HIVEP2: variants seen among roughly 807,000 people sequenced by gnomAD.
HIVEP2 encodes the protein HIVEP zinc finger 2.
HIVEP2 carries 14 observed loss-of-function variants against 180.7 expected under a neutral mutation model. The ratio of observed to expected loss-of-function variants is 0.08; its 90% confidence interval spans 0.05 to 0.12. HIVEP2 has a LOEUF of 0.12. Among genes scored for constraint, HIVEP2 ranks in the 10% least tolerant of loss-of-function variants. The probability of loss-of-function intolerance (pLI) is 1.00; values close to 1 mark genes in which losing one functional copy is unlikely to be tolerated. For synonymous variants in HIVEP2, 1,184 were observed against 1,136.4 expected (o/e 1.04, Z -0.84); for missense variants, 2,579 against 3,008.5 (o/e 0.86, Z 3.34).
At chr6:142,933,855 T>C (rs911834476) in intron 1 of HIVEP2, among the ~76,000 whole-genome samples, 2 of 152,240 alleles carry the variant, frequency 1.3e-5, no homozygotes, top group Non-Finnish European at 2.9e-5. Flanking sequence ...GCACCAAGTT[T>C]ATCATGAATA....
intron 1 of HIVEP2, among the ~76,000 whole-genome samples, chr6:142,931,742 C>T (rs906190420): frequency 2.6e-5 from 4 of 152,084 alleles, no homozygotes; most frequent in Admixed American, 1.3e-4. Flanking sequence ...TTTATCTGTT[C>T]GTTTCATTTC....
At chr6:142,818,811 GA>G (rs568996762) in intron 2 of HIVEP2, among the ~76,000 whole-genome samples, 16 of 148,004 alleles carry the variant, frequency 1.1e-4, no homozygotes, top group Admixed American at 1.4e-4. Context: ...AAAAAGAAAA[GA>G]AAAAAAAAGC....
intron 1 of HIVEP2, among the ~76,000 whole-genome samples, chr6:142,871,306 A>G (rs961046534): frequency 6.6e-6 from 1 of 152,068 alleles, no homozygotes; most frequent in African/African-American, 2.4e-5. Flanking sequence ...GGAAGAAAAG[A>G]TGTGCAAATA....
chr6:142,853,996 C>T (rs1173564210), intron 1 of HIVEP2, among the ~76,000 whole-genome samples: 1 of 152,216 alleles, frequency 6.6e-6, no homozygotes, highest in Non-Finnish European at 1.5e-5. Flanking sequence ...TTGCCATTCA[C>T]TCTGTCACTG....
chr6:142,851,396 T>G (rs1341734567), intron 1 of HIVEP2, among the ~76,000 whole-genome samples: 1 of 152,204 alleles, frequency 6.6e-6, no homozygotes, highest in Admixed American at 6.5e-5. Context: ...CAAAGAGGAA[T>G]GTTAAAAGTT....
chr6:142,813,710 G>A lies in HIVEP2; in HGVS notation c.-528+23225C>T, dbSNP rs556922217. Reference sequence around the variant, plus strand: ...CCCACCTCAGCCTCCTGAGTAGCTGGGACTATAGGTACATGCCCCAGAATT... The same window carrying A: ...CCCACCTCAGCCTCCTGAGTAGCTGAGACTATAGGTACATGCCCCAGAATT... On this transcript the variant is annotated intron_variant, in intron 2 of 9. Transcript: ENST00000367603. Among the ~76,000 whole-genome samples the A allele has an allele frequency of 1.4e-4, 21 of 151,632 alleles. No individual in the cohort carries two copies. In the South Asian group the frequency reaches 3.8e-3, roughly 27 times the overall value.
At chr6:142,862,987 A>G (rs1446518077) in intron 1 of HIVEP2, among the ~76,000 whole-genome samples, 22 of 141,532 alleles carry the variant, frequency 1.6e-4, no homozygotes, top group Non-Finnish European at 1.8e-4. Flanking sequence ...AATATATAAT[A>G]TGATATATAA....
chr6:142,925,635 A>T (rs1777788359), intron 1 of HIVEP2, among the ~76,000 whole-genome samples: 1 of 152,260 alleles, frequency 6.6e-6, no homozygotes, highest in African/African-American at 2.4e-5. Context: ...TTTCCCAAGA[A>T]AAATGACATC....
chr6:142,859,883 G>T (rs375783729), intron 1 of HIVEP2, among the ~76,000 whole-genome samples: 1 of 131,714 alleles, frequency 7.6e-6, no homozygotes, highest in African/African-American at 2.8e-5. Context: ...AGAAAAAAAA[G>T]AAAAGAAAAT....
Position 142,943,312 on chromosome 6 carries a change from A to G in HIVEP2, c.-641+1787T>C, listed in dbSNP as rs1445285058. Among the ~76,000 whole-genome samples, 1 of 152,348 alleles carries G rather than the reference A, an allele frequency of 6.6e-6. No individual in the cohort carries two copies. The highest frequency in any genetic ancestry group is 1.5e-5 in the Non-Finnish European group (1 of 68,032). On this transcript the variant is annotated intron_variant, in intron 1 of 9. Transcript: ENST00000367603. The surrounding 1 kb of genome is among the most constrained non-coding windows in gnomAD (Gnocchi z 4.5). ...GACATTTGCTACATATGTAGCAAAC[A>G]TATGGGATCTATATGTGCAAATATT...
At chr6:142,893,096 C>G (rs886578327) in intron 1 of HIVEP2, among the ~76,000 whole-genome samples, 1 of 152,166 alleles carries the variant, frequency 6.6e-6, no homozygotes, top group Non-Finnish European at 1.5e-5. Context: ...TATCCCACAT[C>G]CCTATATTGG....
rs201300897 is a variant in HIVEP2, at chr6:142,801,282, A to AAATGT, written c.-527-17672_-527-17668dup. Among the ~76,000 whole-genome samples the AAATGT allele has an allele frequency of 9.3e-3, 1,406 of 151,728 alleles. 31 individuals are homozygous for AAATGT. Among genetic ancestry groups the AAATGT allele is most frequent in the African/African-American group, 0.032 (1,340 of 41,312 alleles). Reference sequence around the variant, plus strand: ...CATGAAAAGAACACTAGATTAAGGCAAATGTCAGCAGACTATAAAATACAT... The same window carrying AAATGT: ...CATGAAAAGAACACTAGATTAAGGCAAATGTAATGTCAGCAGACTATAAAATACAT... On this transcript the variant is annotated intron_variant, in intron 2 of 9. Coordinates refer to ENST00000367603, the MANE Select transcript of HIVEP2 (RefSeq NM_006734.4).
intron 1 of HIVEP2, among the ~76,000 whole-genome samples, chr6:142,901,482 C>T (rs1257753078): frequency 6.6e-6 from 1 of 152,100 alleles, no homozygotes; most frequent in Non-Finnish European, 1.5e-5. Flanking sequence ...TTAGCTACTA[C>T]CCTATTGTTT....
In HIVEP2 at chr6:142,945,083, C is replaced by T; in HGVS notation, c.-641+16G>A. The T allele has an allele frequency of 6.8e-6, 1 of 146,854 alleles. No individual in the cohort carries two copies. The highest frequency in any genetic ancestry group is 1.5e-5 in the Non-Finnish European group (1 of 66,108). 9.1% of individuals were successfully genotyped at this position (146,854 alleles called of 1,614,324 possible). On this transcript the variant is annotated intron_variant, in intron 1 of 9. Coordinates refer to ENST00000367603, the MANE Select transcript of HIVEP2 (RefSeq NM_006734.4). This position sits in a 1 kb window ranked among gnomAD's most constrained non-coding sequence, Gnocchi z 5.5. ...CGGCCGCCTGCGCCGCGCGCCGCGG[C>T]CCCCTCCCCCGCTACCTGACAACGG...
At chr6:142,901,385 A>C (rs999003676) in intron 1 of HIVEP2, among the ~76,000 whole-genome samples, 1 of 152,242 alleles carries the variant, frequency 6.6e-6, no homozygotes, top group African/African-American at 2.4e-5. Flanking sequence ...TTTTTCAAAT[A>C]GGTTTCAAGA....
intron 1 of HIVEP2, among the ~76,000 whole-genome samples, chr6:142,853,586 C>T (rs1236450829): frequency 2.0e-5 from 3 of 152,196 alleles, no homozygotes. Flanking sequence ...AACATAGAAC[C>T]TACCCACCTT....
rs774881994 is a variant in HIVEP2 at position 142,753,940 on chromosome 6, A to G, written c.6517-9T>C. On this transcript the variant is annotated splice_polypyrimidine_tract_variant and intron_variant, in intron 9 of 9. Transcript: ENST00000367603. ...AATCCTCTTCTTAAATTCTGCGCAG[A>G]GAAACAAAGAGAGCACAAAATTCAG... The G allele has an allele frequency of 6.9e-7, 1 of 1,453,318 alleles. No homozygotes were observed. Among genetic ancestry groups the G allele is most frequent in the Non-Finnish European group, 9.5e-7 (1 of 1,058,048 alleles). The allele number at this position is 1,453,318 out of a possible 1,614,324, so 90.0% of individuals were successfully genotyped here.
At chr6:142,801,191 CAAAAA>C (rs10717703) in intron 2 of HIVEP2, among the ~76,000 whole-genome samples, 1 of 86,996 alleles carries the variant, frequency 1.1e-5, no homozygotes, top group Non-Finnish European at 2.2e-5. Context: ...TGGCCAGTGT[CAAAAA>C]AAAAAAAAAA....
At chr6:142,879,205 C>A (rs1053034322) in intron 1 of HIVEP2, among the ~76,000 whole-genome samples, 1 of 152,006 alleles carries the variant, frequency 6.6e-6, no homozygotes, top group African/African-American at 2.4e-5. Flanking sequence ...TCACAGTAAC[C>A]TATTAAACGT....
Sources: allele counts gnomAD v4.1 joint callset (sites outside exome capture counted in the v4.1 genomes callset), GRCh38; gene constraint gnomAD v4.1.1; non-coding constraint Gnocchi (gnomAD v3.1); transcripts MANE v1.5; gene names NCBI Gene and HGNC (gene_info 2026-07-23, HGNC 2026-07-21).